The following ALCAM variants were observed in gnomAD, a reference collection of about 807,000 sequenced individuals.
The protein encoded by ALCAM is CD166 antigen.
Under a neutral mutation model 70.9 loss-of-function variants are expected in ALCAM, and 30 were observed. The ratio of observed to expected loss-of-function variants is 0.42; its 90% confidence interval spans 0.32 to 0.57. The LOEUF is 0.57. Among genes scored for constraint, ALCAM ranks in the 20% least tolerant of loss-of-function variants. ALCAM has a pLI of 0.11. For missense variants in ALCAM, 591 were observed against 695.1 expected, an observed-to-expected ratio of 0.85 and a Z score of 1.68; for synonymous variants, 249 against 242.5, an observed-to-expected ratio of 1.03 and a Z score of -0.25.
intron 3 of ALCAM, among the ~76,000 whole-genome samples, chr3:105,528,386 C>T (rs980528348): frequency 1.9e-4 from 29 of 152,248 alleles, no homozygotes; most frequent in African/African-American, 7.0e-4. Flanking sequence ...TCTGACCACT[C>T]CCCAGCCCCT....
At chr3:105,459,872 T>C (rs1937579961) in intron 1 of ALCAM, among the ~76,000 whole-genome samples, 1 of 152,054 alleles carries the variant, frequency 6.6e-6, no homozygotes, top group Non-Finnish European at 1.5e-5. Flanking sequence ...CCCACTCTAA[T>C]AGACTAATTA....
intron 1 of ALCAM, among the ~76,000 whole-genome samples, chr3:105,444,119 G>T (rs1937241500): frequency 1.3e-5 from 2 of 152,110 alleles, no homozygotes; most frequent in Admixed American, 1.3e-4. Flanking sequence ...AATGGAGGTG[G>T]TTATGTTTCC....
At chr3:105,434,783 G>A (rs1467747870) in intron 1 of ALCAM, among the ~76,000 whole-genome samples, 2 of 152,050 alleles carry the variant, frequency 1.3e-5, no homozygotes, top group African/African-American at 4.8e-5. Context: ...GAAGGTGCTC[G>A]TGAAATCATT....
intron 14 of ALCAM, among the ~76,000 whole-genome samples, chr3:105,560,471 T>C (rs1940608960): frequency 6.6e-6 from 1 of 152,178 alleles, no homozygotes; most frequent in Non-Finnish European, 1.5e-5. Flanking sequence ...GAACATTTTT[T>C]CCCAGTCTGT....
chr3:105,575,038 A>G lies in ALCAM; in HGVS notation c.*587A>G, dbSNP rs1258148762. 6.6e-6 allele frequency: 1 copy of G among 152,520 alleles called. No homozygotes were observed. Among genetic ancestry groups the G allele is most frequent in the East Asian group, 1.9e-4 (1 of 5,200 alleles). 9.4% of individuals were successfully genotyped at this position (152,520 alleles called of 1,614,324 possible). A position where few individuals can be genotyped will look rare whatever the true frequency, so the allele number is the denominator to read the frequency against. ...GGGAGGCCGAGAGTCAGACTGATAG[A>G]CACCATAGGAGCCGACTCTTTGATA... is the stretch of plus-strand genomic sequence containing the variant. On this transcript the variant is annotated 3_prime_UTR_variant, in exon 16 of 16. Coordinates refer to ENST00000306107, the MANE Select transcript of ALCAM (RefSeq NM_001627.4).
chr3:105,414,174 G>A (rs919571924), intron 1 of ALCAM, among the ~76,000 whole-genome samples: 10 of 151,836 alleles, frequency 6.6e-5, no homozygotes, highest in African/African-American at 2.2e-4. Flanking sequence ...TGAGGCTGGC[G>A]GATATCCTGA....
chr3:105,528,928 A>G (rs1024883339), intron 3 of ALCAM, among the ~76,000 whole-genome samples: 1 of 152,204 alleles, frequency 6.6e-6, no homozygotes, highest in Non-Finnish European at 1.5e-5. Context: ...ATTATATATC[A>G]TTGTTCAAGA....
At chr3:105,474,183 A>G (rs1938028055) in intron 1 of ALCAM, among the ~76,000 whole-genome samples, 1 of 151,796 alleles carries the variant, frequency 6.6e-6, no homozygotes, top group Non-Finnish European at 1.5e-5. Flanking sequence ...CAAATAGATT[A>G]TGTAGACTTT....
intron 1 of ALCAM, among the ~76,000 whole-genome samples, chr3:105,517,212 T>G (rs546528664): frequency 6.6e-6 from 1 of 152,232 alleles, no homozygotes; most frequent in Admixed American, 6.5e-5. Context: ...TCAGATGAAC[T>G]TGGGAGTCAG....
chr3:105,560,450 T>C (rs1253653891), intron 14 of ALCAM, among the ~76,000 whole-genome samples: 3 of 152,190 alleles, frequency 2.0e-5, no homozygotes, highest in Non-Finnish European at 4.4e-5. Context: ...TTGACATATA[T>C]AGATATATTT....
At chr3:105,399,681 A>G (rs1337195153) in intron 1 of ALCAM, among the ~76,000 whole-genome samples, 1 of 152,168 alleles carries the variant, frequency 6.6e-6, no homozygotes, top group Admixed American at 6.6e-5. Context: ...TTATATCCTG[A>G]TGGTTTTATG....
intron 1 of ALCAM, among the ~76,000 whole-genome samples, chr3:105,447,107 A>C (rs1183112487): frequency 6.6e-6 from 1 of 152,146 alleles, no homozygotes; most frequent in East Asian, 1.9e-4. Flanking sequence ...TCACAACATC[A>C]CACTATATAC....
At chr3:105,446,334 G>A (rs1937296976) in intron 1 of ALCAM, among the ~76,000 whole-genome samples, 1 of 152,086 alleles carries the variant, frequency 6.6e-6, no homozygotes, top group Non-Finnish European at 1.5e-5. Flanking sequence ...ACAAATGCTG[G>A]CAGATGTGGG....
rs1237363858 is a variant in ALCAM at position 105,564,113 on chromosome 3, GA to G, written c.1665-7728del. On this transcript the variant is annotated intron_variant, in intron 14 of 15. Coordinates refer to ENST00000306107, the MANE Select transcript of ALCAM (RefSeq NM_001627.4). The stretch of plus-strand genomic sequence containing the variant: ...CCTTGTGAATACTCCACGGACATTT[GA>G]AAAAAAAAAACTTGTTGGGGGCTTA... 9.4e-3 allele frequency among the ~76,000 whole-genome samples: 1,369 copies of G among 145,906 alleles called. 24 individuals are homozygous for G. The highest frequency in any genetic ancestry group is 0.032 in the African/African-American group (1,301 of 40,146).
Position 105,539,966 on chromosome 3 carries a change from C to T in ALCAM, c.731-9C>T. 1 of 1,610,848 alleles carries T rather than the reference C, an allele frequency of 6.2e-7. No individual in the cohort carries two copies. The highest frequency in any genetic ancestry group is 8.5e-7 in the Non-Finnish European group (1 of 1,177,996). On this transcript the variant is annotated splice_polypyrimidine_tract_variant and intron_variant, in intron 6 of 15. Transcript: ENST00000306107. Reference sequence around the variant, plus strand: ...AAAAATGGTTAACTTGTGTCTGTAACTCTTACAGATCCTACAGAGCAGGTG... The same window carrying T: ...AAAAATGGTTAACTTGTGTCTGTAATTCTTACAGATCCTACAGAGCAGGTG...
chr3:105,379,530 T>C (rs1412923031), intron 1 of ALCAM, among the ~76,000 whole-genome samples: 1 of 151,832 alleles, frequency 6.6e-6, no homozygotes, highest in Non-Finnish European at 1.5e-5. Flanking sequence ...TGTAATGCAC[T>C]ATATTATTCT....
intron 1 of ALCAM, among the ~76,000 whole-genome samples, chr3:105,420,806 T>TA (rs1936630698): frequency 6.6e-6 from 1 of 151,564 alleles, no homozygotes; most frequent in East Asian, 1.9e-4. Context: ...ATAATGGAGA[T>TA]ATTGCTATGG....
intron 14 of ALCAM, 116 bp downstream of exon 14, chr3:105,552,701 T>C: frequency 6.5e-7 from 1 of 1,549,324 alleles, no homozygotes; most frequent in African/African-American, 1.4e-5. Context: ...GGAAGATGTA[T>C]CCCCAAATCA....
At chr3:105,429,464 T>TA (rs1340641191) in intron 1 of ALCAM, among the ~76,000 whole-genome samples, 1 of 151,984 alleles carries the variant, frequency 6.6e-6, no homozygotes, top group African/African-American at 2.4e-5. Context: ...ACCTGGTATT[T>TA]AAAAAATGAT....
Sources: allele counts gnomAD v4.1 joint callset (sites outside exome capture counted in the v4.1 genomes callset), GRCh38; gene constraint gnomAD v4.1.1; transcripts MANE v1.5; gene names NCBI Gene and HGNC (gene_info 2026-07-23, HGNC 2026-07-21).